Variants in RANBP2 observed in about 807,000 individuals in gnomAD.
The protein encoded by RANBP2 is RAN binding protein 2, also known as E3 SUMO-protein ligase RanBP2.
In RANBP2, 57 loss-of-function variants were observed where a neutral mutation model predicts 303.6. The ratio of observed to expected loss-of-function variants is 0.19; its 90% CI spans 0.15 to 0.23. The LOEUF (loss-of-function observed/expected upper bound fraction) is 0.23, where lower values mean the gene tolerates loss of function less well. Ranked by LOEUF, RANBP2 falls within the 10% of genes least tolerant of loss-of-function variation. The pLI is 1.00. For missense variants in RANBP2, 3,138 were observed against 3,780.8 expected (o/e 0.83, Z 4.46); for synonymous variants, 1,167 against 1,301.5 (o/e 0.90, Z 2.23).
the RANBP2 span, among the ~76,000 whole-genome samples, chr2:109,561,699 T>C: frequency 6.6e-6 from 1 of 152,122 alleles, no homozygotes; most frequent in Non-Finnish European, 1.5e-5. Flanking sequence ...CCCTAAACTC[T>C]CTGATTCCCA....
At chr2:109,065,544 G>A in the RANBP2 span, among the ~76,000 whole-genome samples, 1 of 152,174 alleles carries the variant, frequency 6.6e-6, no homozygotes, top group Non-Finnish European at 1.5e-5. Flanking sequence ...AAGTGTCAGG[G>A]ACTAACTGGA....
chr2:109,012,770 C>T, the RANBP2 span, among the ~76,000 whole-genome samples: 137 of 152,204 alleles, frequency 9.0e-4, no homozygotes, highest in Non-Finnish European at 2.5e-4. Flanking sequence ...AAAAATTAGC[C>T]GGGCGTGTTG....
At position 108,775,914 on chromosome 2, in the gene RANBP2, T is replaced by A; in HGVS notation, c.8475T>A (p.Ile2825=). Residue 2825 remains isoleucine, a synonymous_variant, in exon 24 of 29, where the codon ATT becomes ATA. Transcript: ENST00000283195. ...KPVDLSTRKE[I]DTDSTSQGES... is the part of the protein sequence containing the mutation. ...TAGATTTGTCAACTAGAAAGGAAAT[T>A]GATACAGATTCTACAAGCCAAGGTA... 1 of 1,611,158 alleles carries A rather than the reference T, an allele frequency of 6.2e-7. No individual in the cohort carries two copies.
chr2:108,951,586 G>A, the RANBP2 span, among the ~76,000 whole-genome samples: 1 of 152,072 alleles, frequency 6.6e-6, no homozygotes, highest in Non-Finnish European at 1.5e-5. Flanking sequence ...ATAGATATTG[G>A]CACAGGGATA....
At chr2:109,589,280 C>T in the RANBP2 span, among the ~76,000 whole-genome samples, 19 of 152,120 alleles carry the variant, frequency 1.2e-4, no homozygotes, top group Non-Finnish European at 1.5e-5. Context: ...TGCCTATAAT[C>T]TCAGCACTTT....
the RANBP2 span, among the ~76,000 whole-genome samples, chr2:109,717,684 C>T: frequency 5.3e-5 from 8 of 152,068 alleles, no homozygotes; most frequent in South Asian, 2.1e-4. Context: ...GAGTCCAAGG[C>T]GGGTAGATCA....
the RANBP2 span, among the ~76,000 whole-genome samples, chr2:108,793,423 T>C: frequency 1.3e-5 from 2 of 152,116 alleles, no homozygotes; most frequent in Non-Finnish European, 2.9e-5. Context: ...GACAGTATAG[T>C]GCTGGCAAGG....
the RANBP2 span, among the ~76,000 whole-genome samples, chr2:109,269,625 A>C: frequency 6.6e-6 from 1 of 151,982 alleles, no homozygotes; most frequent in African/African-American, 2.4e-5. Context: ...TACTAAAAAT[A>C]AAAAAAATAG....
chr2:109,312,449 A>G, the RANBP2 span, among the ~76,000 whole-genome samples: 3 of 152,322 alleles, frequency 2.0e-5, no homozygotes, highest in East Asian at 5.8e-4. Context: ...GACCGTCAGC[A>G]CTGTCTAGTT....
the RANBP2 span, among the ~76,000 whole-genome samples, chr2:108,987,609 A>G: frequency 6.6e-6 from 1 of 152,248 alleles, no homozygotes; most frequent in Non-Finnish European, 1.5e-5. Flanking sequence ...TTTTCCTCCC[A>G]AAGACTGGTC....
rs1677022572 is a variant in RANBP2 at position 108,765,072 on chromosome 2, T to G, written c.4533T>G (p.Pro1511=). ...AGAATCCGAGAAAACAGAGTCTACC[T>G]GCTACTTCTATTCCAACACCTGCCT... is the stretch of plus-strand genomic sequence containing the variant. ...ACQNPRKQSL[P]ATSIPTPASF... Residue 1511 remains proline, a synonymous_variant, in exon 20 of 29, where the codon CCT becomes CCG. Transcript: ENST00000283195. 6.2e-7 allele frequency: 1 copy of G among 1,613,930 alleles called. No homozygotes were observed. Among genetic ancestry groups the G allele is most frequent in the Admixed American group, 1.7e-5 (1 of 59,986 alleles).
the RANBP2 span, among the ~76,000 whole-genome samples, chr2:109,661,586 A>G: frequency 2.6e-5 from 4 of 152,036 alleles, no homozygotes; most frequent in Non-Finnish European, 5.9e-5. Context: ...AGTGTCACAA[A>G]CTTTTGCTTA....
chr2:108,837,103 G>A, the RANBP2 span, among the ~76,000 whole-genome samples: 2 of 152,142 alleles, frequency 1.3e-5, no homozygotes, highest in Admixed American at 6.5e-5. Flanking sequence ...TGGTGAGGGT[G>A]TGCTTGTCTT....
chr2:109,058,761 A>T, the RANBP2 span, among the ~76,000 whole-genome samples: 2 of 152,278 alleles, frequency 1.3e-5, no homozygotes, highest in East Asian at 3.9e-4. Flanking sequence ...GGGTGCTGAG[A>T]GGAGACGGGC....
chr2:109,493,242 C>G, the RANBP2 span, among the ~76,000 whole-genome samples: 1 of 151,678 alleles, frequency 6.6e-6, no homozygotes, highest in Non-Finnish European at 1.5e-5. Flanking sequence ...CATATACACA[C>G]GCACCACACA....
chr2:109,643,150 C>G, the RANBP2 span, among the ~76,000 whole-genome samples: 4 of 151,148 alleles, frequency 2.6e-5, no homozygotes, highest in Non-Finnish European at 5.9e-5. Flanking sequence ...CCACTGCATT[C>G]TAGCATTCCA....
At chr2:108,824,821 A>G in the RANBP2 span, among the ~76,000 whole-genome samples, 1 of 152,172 alleles carries the variant, frequency 6.6e-6, no homozygotes, top group Non-Finnish European at 1.5e-5. Context: ...GCCCTATGAC[A>G]TTATAACAGC....
chr2:109,118,554 G>T, the RANBP2 span, among the ~76,000 whole-genome samples: 1 of 150,948 alleles, frequency 6.6e-6, no homozygotes, highest in Non-Finnish European at 1.5e-5. Context: ...CACTCAGCTG[G>T]ACTGGCAAAA....
At chr2:109,617,274 AT>A in the RANBP2 span, 1 of 167,050 alleles carries the variant, frequency 6.0e-6, no homozygotes, top group Non-Finnish European at 1.5e-5. Flanking sequence ...CCCAATTAAA[AT>A]GGCACTTTAT....
Sources: gnomAD v4.1 joint callset for allele counts (sites outside exome capture counted in the v4.1 genomes callset) on GRCh38, gnomAD v4.1.1 for gene constraint, MANE v1.5 for transcripts, NCBI Gene and HGNC (gene_info 2026-07-23, HGNC 2026-07-21) for gene names.